The following NPFFR1 variants were observed in gnomAD, a reference collection of about 807,000 sequenced individuals.
NPFFR1 encodes the protein G-protein coupled receptor 147.
A neutral mutation model predicts 12.7 loss-of-function variants in NPFFR1; 17 were observed. The observed-to-expected ratio is 1.34, with a 90% confidence interval of 0.92 to 2.01. NPFFR1 has a LOEUF of 2.01. Ranked by LOEUF, NPFFR1 falls within the 30% of genes most tolerant of loss-of-function variation. NPFFR1 has a pLI of 0.00. For synonymous variants in NPFFR1, 296 were observed against 264.5 expected, an observed-to-expected ratio of 1.12 and a Z score of -1.16; for missense variants, 604 against 606.5, an observed-to-expected ratio of 1.00 and a Z score of 0.04.
intron 3 of NPFFR1, among the ~76,000 whole-genome samples, chr10:70,256,689 G>A (rs1322129969): frequency 1.3e-5 from 2 of 152,158 alleles, no homozygotes; most frequent in Admixed American, 1.3e-4. Flanking sequence ...CTTTAAGATA[G>A]TTACTACACT....
chr10:70,282,178 G>C (rs193250355), intron 1 of NPFFR1, among the ~76,000 whole-genome samples: 3 of 152,254 alleles, frequency 2.0e-5, no homozygotes, highest in Admixed American at 2.0e-4. Context: ...TAGGTAACTT[G>C]ATGTCTTCTT....
In NPFFR1 at chr10:70,259,244, A is replaced by G. The variant is rs556804193; in HGVS notation, c.422+1396T>C. ...GAGGTTGCAGTCAGCCAAGATCGCC[A>G]TGGCACTCCAGCCTGGGTGACAGAG... On this transcript the variant is annotated intron_variant, in intron 3 of 3. Transcript: ENST00000277942. Among the ~76,000 whole-genome samples, 12 of 151,710 alleles carry G rather than the reference A, an allele frequency of 7.9e-5. No individual in the cohort carries two copies. In the East Asian group the frequency reaches 1.9e-3, roughly 24 times the overall value.
chr10:70,249,358 C>T lies in NPFFR1; in HGVS notation c.*5599G>A, dbSNP rs1401627456. On this transcript the variant is annotated 3_prime_UTR_variant, in exon 4 of 4. Transcript: ENST00000277942. ...AGGTTGCAGTGAGCCAAAATCACGT[C>T]ATTGCACTCCAGCCTGGGCAACAAA... 1 of 149,664 alleles carries T rather than the reference C, an allele frequency of 6.7e-6. No individual in the cohort carries two copies. The highest frequency in any genetic ancestry group is 1.5e-5 in the Non-Finnish European group (1 of 67,700). The allele number at this position is 149,664 out of a possible 1,614,324, so 9.3% of individuals were successfully genotyped here.
At position 70,255,111 on chromosome 10, in the gene NPFFR1, T is replaced by A. The variant is rs746174229; in HGVS notation, c.1139A>T (p.Asp380Val). ...GCCCGACTCAGAGGGCAGCCCGGAGTCGCTGGGCCGCACCACCACGAAGAC... is the reference window on the plus strand; with the variant it reads ...GCCCGACTCAGAGGGCAGCCCGGAGACGCTGGGCCGCACCACCACGAAGAC... Reference protein sequence around the residue: ...RRVFVVVRPSDSGLPSESGPS... With the variant: ...RRVFVVVRPSVSGLPSESGPS... Residue 380 changes from aspartate (D) to valine (V), a missense_variant, in exon 4 of 4, where the codon GAC becomes GTC. Coordinates refer to ENST00000277942, the MANE Select transcript of NPFFR1 (RefSeq NM_022146.5). This position sits in a 1 kb window ranked among gnomAD's most constrained non-coding sequence, Gnocchi z 4.2. The A allele has an allele frequency of 2.0e-5, 30 of 1,488,530 alleles. No homozygotes were observed. The Admixed American group carries it at 6.6e-4, about 33-fold the overall frequency. 92.2% of individuals were successfully genotyped at this position (1,488,530 alleles called of 1,614,324 possible).
intron 1 of NPFFR1, among the ~76,000 whole-genome samples, chr10:70,279,698 T>C (rs1217614032): frequency 1.3e-5 from 2 of 152,194 alleles, no homozygotes; most frequent in Admixed American, 1.3e-4. Context: ...TGACCTCAAA[T>C]GATCTTCCCG....
At position 70,252,510 on chromosome 10, in the gene NPFFR1, G is replaced by A. The variant is rs1350416715; in HGVS notation, c.*2447C>T. ...ATTCCAGTCCTGTACACTTAAAAAT[G>A]GCCAAAATGGTAAATTCTATATTAT... is the stretch of plus-strand genomic sequence containing the variant. On this transcript the variant is annotated 3_prime_UTR_variant, in exon 4 of 4. Transcript: ENST00000277942. 1 of 152,134 alleles carries A rather than the reference G, an allele frequency of 6.6e-6. No homozygotes were observed. Among genetic ancestry groups the A allele is most frequent in the Non-Finnish European group, 1.5e-5 (1 of 68,022 alleles). The allele number at this position is 152,134 out of a possible 1,614,324, so 9.4% of individuals were successfully genotyped here. A position where few individuals can be genotyped will look rare whatever the true frequency, so the allele number is the denominator to read the frequency against.
At position 70,254,901 on chromosome 10, in the gene NPFFR1, T is replaced by C; in HGVS notation, c.*56A>G. The C allele has an allele frequency of 7.3e-7, 1 of 1,377,724 alleles. No homozygotes were observed. The allele number at this position is 1,377,724 out of a possible 1,614,324, so 85.3% of individuals were successfully genotyped here. A position where few individuals can be genotyped will look rare whatever the true frequency, so the allele number is the denominator to read the frequency against. On this transcript the variant is annotated 3_prime_UTR_variant, in exon 4 of 4. Transcript: ENST00000277942. ...CCACACCAGGCCGCTATCGCCTGCATGTATCTCGTGTCCAATCGGGGCCCT... is the reference window on the plus strand; with the variant it reads ...CCACACCAGGCCGCTATCGCCTGCACGTATCTCGTGTCCAATCGGGGCCCT...
At chr10:70,260,856 G>C (rs1840626178) in intron 2 of NPFFR1, 117 bp from the exon 3 acceptor site, 1 of 809,840 alleles carries the variant, frequency 1.2e-6, no homozygotes, top group South Asian at 1.5e-5. Context: ...TGACCTGCTA[G>C]GTGTTATCTG....
At chr10:70,270,020 T>C (rs546461865) in intron 1 of NPFFR1, among the ~76,000 whole-genome samples, 3 of 152,350 alleles carry the variant, frequency 2.0e-5, no homozygotes, top group Non-Finnish European at 4.4e-5. Flanking sequence ...ATCTGGTTTA[T>C]GTTCATCAAT....
intron 3 of NPFFR1, among the ~76,000 whole-genome samples, chr10:70,258,170 T>A (rs1840594835): frequency 6.6e-6 from 1 of 152,048 alleles, no homozygotes; most frequent in South Asian, 2.1e-4. Context: ...CAGTCTCTCA[T>A]CCCACCCGAC....
intron 1 of NPFFR1, among the ~76,000 whole-genome samples, chr10:70,280,987 G>C (rs1408660106): frequency 6.6e-6 from 1 of 151,708 alleles, no homozygotes; most frequent in African/African-American, 2.4e-5. Context: ...GGGCAACAGG[G>C]CGAGACTCCG....
intron 1 of NPFFR1, among the ~76,000 whole-genome samples, chr10:70,282,957 G>A (rs756072999): frequency 1.8e-4 from 27 of 152,112 alleles, no homozygotes; most frequent in Non-Finnish European, 3.5e-4. Context: ...TCTACATGGA[G>A]GATATCACCT....
chr10:70,277,852 G>A lies in NPFFR1; in HGVS notation c.7+5818C>T, dbSNP rs766046116. 271 of 474,304 alleles carry A rather than the reference G, an allele frequency of 5.7e-4. 2 individuals carry two copies. Among genetic ancestry groups the A allele is most frequent in the Non-Finnish European group, 1.0e-3 (246 of 236,090 alleles). The allele number at this position is 474,304 out of a possible 1,614,324, so 29.4% of individuals were successfully genotyped here. On this transcript the variant is annotated intron_variant, in intron 1 of 3. Transcript: ENST00000277942. ...TCACAGTTAAGGCCCAGAGGGGAAG[G>A]CAAATGAGGGTTACTGCCCGGCTAA...
At chr10:70,279,499 G>A (rs1230699443) in intron 1 of NPFFR1, among the ~76,000 whole-genome samples, 2 of 151,486 alleles carry the variant, frequency 1.3e-5, no homozygotes, top group Admixed American at 6.6e-5. Context: ...TTGCTCTGTC[G>A]CCCAGGCCAG....
intron 3 of NPFFR1, among the ~76,000 whole-genome samples, 195 bp from the exon 4 acceptor site, chr10:70,256,022 G>T (rs984120186): frequency 2.0e-5 from 3 of 151,866 alleles, no homozygotes; most frequent in African/African-American, 7.3e-5. Flanking sequence ...GGAGGAAACC[G>T]CAGATCGTGT....
chr10:70,248,489 T>TTTTTTTTTTTTTTTTTTTTTTTTTTTG lies in NPFFR1; in HGVS notation c.*6467_*6468insCAAAAAAAAAAAAAAAAAAAAAAAAAA, dbSNP rs1840477391. On this transcript the variant is annotated 3_prime_UTR_variant, in exon 4 of 4. Transcript: ENST00000277942. ...GGCGTTTTTTTTTTGTTTTTTGTTT[T>TTTTTTTTTTTTTTTTTTTTTTTTTTTG]TTTTTTTTTTTTTTGAGATGGAGTC... The TTTTTTTTTTTTTTTTTTTTTTTTTTTG allele has an allele frequency of 8.8e-6, 1 of 113,852 alleles. No homozygotes were observed. The highest frequency in any genetic ancestry group is 1.1e-4 in the Admixed American group (1 of 9,312). The allele number at this position is 113,852 out of a possible 1,614,324, so 7.1% of individuals were successfully genotyped here.
intron 1 of NPFFR1, among the ~76,000 whole-genome samples, chr10:70,281,295 G>A (rs935058668): frequency 2.0e-5 from 3 of 152,144 alleles, no homozygotes; most frequent in South Asian, 2.1e-4. Context: ...AGCAGCCAAC[G>A]CCACCTCTTA....
At chr10:70,262,799 T>C (rs1362150143) in intron 2 of NPFFR1, among the ~76,000 whole-genome samples, 1 of 152,184 alleles carries the variant, frequency 6.6e-6, no homozygotes, top group Non-Finnish European at 1.5e-5. Context: ...ATTTCCTAGC[T>C]CTGTCCCTTG....
intron 1 of NPFFR1, among the ~76,000 whole-genome samples, chr10:70,278,505 G>T (rs183949862): frequency 6.6e-6 from 1 of 152,280 alleles, no homozygotes; most frequent in East Asian, 1.9e-4. Context: ...GGGTGTTACA[G>T]CTCCTAGCCA....
Sources: allele counts gnomAD v4.1 joint callset (sites outside exome capture counted in the v4.1 genomes callset), GRCh38; gene constraint gnomAD v4.1.1; non-coding constraint Gnocchi (gnomAD v3.1); transcripts MANE v1.5; gene names NCBI Gene and HGNC (gene_info 2026-07-23, HGNC 2026-07-21).